The following GPN2 variants were observed in gnomAD, a reference collection of about 807,000 sequenced individuals.
The protein encoded by GPN2 is ATP-binding domain 1 family member B.
In GPN2, 27 loss-of-function variants were observed where a neutral mutation model predicts 30.1. The ratio of observed to expected loss-of-function variants is 0.90; its 90% CI spans 0.66 to 1.24. The LOEUF is 1.24. Ranked by LOEUF, GPN2 falls within the 50% of genes most tolerant of loss-of-function variation. GPN2 has a pLI of 0.00. For missense variants in GPN2, 406 were observed against 405.4 expected (o/e 1.00, Z -0.01); for synonymous variants, 212 against 174.4 (o/e 1.22, Z -1.70).
intron 4 of GPN2, among the ~76,000 whole-genome samples, chr1:26,881,051 G>A (rs745930540): frequency 2.0e-5 from 3 of 152,158 alleles, no homozygotes. Context: ...CAGCACAAAT[G>A]TATATGGTTA....
intron 4 of GPN2, among the ~76,000 whole-genome samples, chr1:26,881,901 C>A (rs2081866232): frequency 6.6e-6 from 1 of 151,814 alleles, no homozygotes. Context: ...AGGAGCAAGA[C>A]CCTGCCTCTA....
chr1:26,890,192 T>C lies in GPN2; in HGVS notation c.-96A>G. The C allele has an allele frequency of 9.1e-7, 1 of 1,094,254 alleles. No individual in the cohort carries two copies. The highest frequency in any genetic ancestry group is 2.7e-5 in the East Asian group (1 of 37,448). The allele number at this position is 1,094,254 out of a possible 1,614,324, so 67.8% of individuals were successfully genotyped here. Reference sequence around the variant, plus strand: ...CTGAGGGCGAGGGTCCCAGTACGTATACCTCGTTGGCGGCCAGCGTCACTC... The same window carrying C: ...CTGAGGGCGAGGGTCCCAGTACGTACACCTCGTTGGCGGCCAGCGTCACTC... On this transcript the variant is annotated 5_prime_UTR_variant, in exon 1 of 5. Transcript: ENST00000374135.
chr1:26,890,098 GGCGGCCC>G lies in GPN2; in HGVS notation c.-9_-3del, dbSNP rs774399360. The G allele has an allele frequency of 2.0e-6, 3 of 1,518,356 alleles. No individual in the cohort carries two copies. Among genetic ancestry groups the G allele is most frequent in the East Asian group, 2.3e-5 (1 of 42,870 alleles). The allele number at this position is 1,518,356 out of a possible 1,614,324, so 94.1% of individuals were successfully genotyped here. A position where few individuals can be genotyped will look rare whatever the true frequency, so the allele number is the denominator to read the frequency against. On this transcript the variant is annotated 5_prime_UTR_variant, in exon 1 of 5. Transcript: ENST00000374135. ...CGTGGTCGGAGCGGCCCCTGCCATT[GGCGGCCC>G]GCGGCCCGGAGCAGGTCAACTCACA...
At chr1:26,882,930 T>A (rs1261956873) in intron 4 of GPN2, among the ~76,000 whole-genome samples, 4 of 152,228 alleles carry the variant, frequency 2.6e-5, no homozygotes, top group African/African-American at 4.8e-5. Context: ...AAGCCAGAGA[T>A]CTGGGAAGCT....
chr1:26,889,054 G>A lies in GPN2; in HGVS notation c.483C>T (p.Thr161=). ...DPAKFISVLC[T]SLATMLHVEL... is the part of the protein sequence containing the mutation. ...CCACGTGCAGCATGGTGGCCAGGGA[G>A]GTACACAGTACTGAAATGAACTTGG... The change falls in exon 2 of 5, where the codon ACC becomes ACT. Residue 161 remains threonine, a synonymous_variant. Transcript: ENST00000374135. The A allele has an allele frequency of 1.2e-6, 2 of 1,613,874 alleles. No homozygotes were observed. Among genetic ancestry groups the A allele is most frequent in the South Asian group, 2.2e-5 (2 of 91,078 alleles).
chr1:26,884,076 A>C, intron 4 of GPN2, 84 bp downstream of exon 4: 7 of 1,121,434 alleles, frequency 6.2e-6, no homozygotes, highest in African/African-American at 1.6e-5. Context: ...GTCATCCACA[A>C]GGTTGATGAC....
Position 26,878,187 on chromosome 1 carries a change from A to T in GPN2, c.*1490T>A, listed in dbSNP as rs1410983105. 1 of 152,236 alleles carries T rather than the reference A, an allele frequency of 6.6e-6. No individual in the cohort carries two copies. The allele number at this position is 152,236 out of a possible 1,614,324, so 9.4% of individuals were successfully genotyped here. A position where few individuals can be genotyped will look rare whatever the true frequency, so the allele number is the denominator to read the frequency against. On this transcript the variant is annotated 3_prime_UTR_variant, in exon 5 of 5. Transcript: ENST00000374135. ...AAAAATATATGAACTGCATCCAGCC[A>T]GTTGCAAGAGCAAAGAAAAAACTTC...
rs114013436 is a variant in GPN2, at chr1:26,888,613, G to A, written c.568+356C>T. Among the ~76,000 whole-genome samples, 781 of 152,320 alleles carry A rather than the reference G, an allele frequency of 5.1e-3. 3 individuals are homozygous for A. Among genetic ancestry groups the A allele is most frequent in the Middle Eastern group, 0.02 (6 of 294 alleles). ...TTCAGAGCAGAAGTGAGAAACTGAG[G>A]TCCAGAGAGATGAACTGACTTACCC... On this transcript the variant is annotated intron_variant, in intron 2 of 4. Transcript: ENST00000374135.
At chr1:26,889,649 C>CCAT in intron 1 of GPN2, 37 bp downstream of exon 1, 1 of 1,541,984 alleles carries the variant, frequency 6.5e-7, no homozygotes, top group East Asian at 2.3e-5. Flanking sequence ...CTCAGTTACT[C>CCAT]CATCCGCAAA....
intron 2 of GPN2, among the ~76,000 whole-genome samples, chr1:26,887,621 G>A (rs2081897332): frequency 6.6e-6 from 1 of 151,818 alleles, no homozygotes; most frequent in Non-Finnish European, 1.5e-5. Context: ...GAGTGCACTG[G>A]CATGATCTCG....
chr1:26,890,206 C>T lies in GPN2; in HGVS notation c.-110G>A. 6.2e-6 allele frequency: 6 copies of T among 963,276 alleles called. No homozygotes were observed. The highest frequency in any genetic ancestry group is 3.0e-6 in the Non-Finnish European group (2 of 674,498). The allele number at this position is 963,276 out of a possible 1,614,324, so 59.7% of individuals were successfully genotyped here. A position where few individuals can be genotyped will look rare whatever the true frequency, so the allele number is the denominator to read the frequency against. On this transcript the variant is annotated 5_prime_UTR_variant, in exon 1 of 5. Transcript: ENST00000374135. The stretch of plus-strand genomic sequence containing the variant: ...CCCAGTACGTATACCTCGTTGGCGG[C>T]CAGCGTCACTCGCCTCAGGCGGAAC...
intron 2 of GPN2, 157 bp from the exon 3 acceptor site, chr1:26,886,290 C>T: frequency 1.6e-6 from 1 of 617,596 alleles, no homozygotes; most frequent in South Asian, 1.9e-5. Flanking sequence ...TTGGTTTTAC[C>T]TGCTGGCTCT....
At chr1:26,879,818 C>G in intron 4 of GPN2, 69 bp from the exon 5 acceptor site, 1 of 1,008,162 alleles carries the variant, frequency 9.9e-7, no homozygotes, top group Non-Finnish European at 1.6e-6. Flanking sequence ...CAGGATCTGA[C>G]TTCCGCTGAT....
rs371471669 is a variant in GPN2 at position 26,883,471 on chromosome 1, A to T, written c.860+689T>A. On this transcript the variant is annotated intron_variant, in intron 4 of 4. Transcript: ENST00000374135. ...TGCACATGAGAGACAGTCATCAGGA[A>T]GCCCAACTGATCAATATGAAATCAG... Among the ~76,000 whole-genome samples, 8 of 152,228 alleles carry T rather than the reference A, an allele frequency of 5.3e-5. No homozygotes were observed. In the East Asian group the frequency reaches 1.5e-3, roughly 29 times the overall value.
intron 1 of GPN2, among the ~76,000 whole-genome samples, 153 bp downstream of exon 1, chr1:26,889,533 C>A (rs1249281306): frequency 2.0e-5 from 3 of 152,214 alleles, no homozygotes; most frequent in African/African-American, 7.2e-5. Context: ...ACCACACAGC[C>A]AGTCAGTAGC....
chr1:26,880,133 G>A (rs1287741576), intron 4 of GPN2, among the ~76,000 whole-genome samples: 1 of 152,106 alleles, frequency 6.6e-6, no homozygotes, highest in Non-Finnish European at 1.5e-5. Flanking sequence ...CTACCAGATG[G>A]CTCCAAAGTA....
intron 3 of GPN2, 94 bp downstream of exon 3, chr1:26,885,879 G>T (rs182848293): frequency 3.9e-6 from 4 of 1,023,510 alleles, no homozygotes; most frequent in Non-Finnish European, 5.9e-6. Flanking sequence ...GCGCCCAGCC[G>T]GCAAAGACCA....
At chr1:26,880,287 C>T (rs2081857822) in intron 4 of GPN2, among the ~76,000 whole-genome samples, 1 of 152,170 alleles carries the variant, frequency 6.6e-6, no homozygotes, top group South Asian at 2.1e-4. Flanking sequence ...GCACTTAGCC[C>T]ACCAAATGAT....
Position 26,889,818 on chromosome 1 carries a change from G to A in GPN2, c.279C>T (p.Asp93=), listed in dbSNP as rs1303178269. Residue 93 remains aspartate, a synonymous_variant, in exon 1 of 5, where the codon GAC becomes GAT. Transcript: ENST00000374135. ...GGGGGTCGAGCTTGGCACGCAGCCA[G>A]TCCAGGTTGGCTTCCAGGTACTCCA... ...YCMEYLEANL[D]WLRAKLDPLR... The A allele has an allele frequency of 3.1e-6, 5 of 1,613,724 alleles. No individual in the cohort carries two copies. The African/African-American group carries it at 4.0e-5, about 13-fold the overall frequency.
Sources: allele counts gnomAD v4.1 joint callset (sites outside exome capture counted in the v4.1 genomes callset), GRCh38; gene constraint gnomAD v4.1.1; transcripts MANE v1.5; gene names NCBI Gene and HGNC (gene_info 2026-07-23, HGNC 2026-07-21).